ARHGEF1: variants seen among roughly 807,000 people sequenced by gnomAD.
The protein encoded by ARHGEF1 is 115 kDa guanine nucleotide exchange factor.
In ARHGEF1, 40 loss-of-function variants were observed where a neutral mutation model predicts 119.7. The observed-to-expected ratio is 0.33, with a 90% confidence interval of 0.26 to 0.44. The LOEUF (loss-of-function observed/expected upper bound fraction) is 0.44. Ranked by LOEUF, ARHGEF1 falls within the 20% of genes least tolerant of loss-of-function variation. The pLI, the probability that ARHGEF1 is intolerant of heterozygous loss-of-function variation, is 1.00. For missense variants in ARHGEF1, 976 were observed against 1,268.3 expected (o/e 0.77, Z 3.50); for synonymous variants, 494 against 521.0 (o/e 0.95, Z 0.71).
chr19:41,892,707 C>A lies in ARHGEF1; in HGVS notation c.472C>A (p.Arg158Ser). Residue 158 changes from arginine (R) to serine (S), a missense_variant, in exon 7 of 29, where the codon CGT becomes AGT. Arg to Ser is a moderately radical substitution (Grantham distance 110, BLOSUM62 -1). Transcript: ENST00000354532. This position sits in a 1 kb window ranked among gnomAD's most constrained non-coding sequence, Gnocchi z 6.3. ...CGTGGGCCGGCAGCTGGAGGACTTCCGTTCCAAGCGGCTCATGGGCATGAC... is the reference window on the plus strand; with the variant it reads ...CGTGGGCCGGCAGCTGGAGGACTTCAGTTCCAAGCGGCTCATGGGCATGAC... ...VAVGRQLEDF[R>S]SKRLMGMTPW... The A allele has an allele frequency of 6.2e-7, 1 of 1,613,458 alleles. No individual in the cohort carries two copies. Among genetic ancestry groups the A allele is most frequent in the Non-Finnish European group, 8.5e-7 (1 of 1,179,756 alleles).
downstream of ARHGEF1, chr19:41,909,360 TGCC>T (rs2074739871): frequency 3.2e-6 from 4 of 1,235,922 alleles, no homozygotes; most frequent in East Asian, 9.5e-5. This position sits in a 1 kb window ranked among gnomAD's most constrained non-coding sequence, Gnocchi z 5.2. Context: ...CAGTGGCAGC[TGCC>T]GCCATGTCCA....
chr19:41,894,745 G>C, intron 11 of ARHGEF1, 84 bp downstream of exon 11: 1 of 1,426,424 alleles, frequency 7.0e-7, no homozygotes, highest in Non-Finnish European at 9.0e-7. Flanking sequence ...TGAGGGAGGA[G>C]GGGCTGGGAC....
chr19:41,928,943 C>T (rs1157622524), exon 2 of ARHGEF1: 6 of 456,182 alleles, frequency 1.3e-5, no homozygotes, highest in African/African-American at 1.0e-4. Context: ...CGCACACACG[C>T]AGCCTGGATA....
chr19:41,909,450 A>T (rs1555851081), downstream of ARHGEF1: 5 of 1,239,142 alleles, frequency 4.0e-6, no homozygotes, highest in African/African-American at 6.2e-5. This position sits in a 1 kb window ranked among gnomAD's most constrained non-coding sequence, Gnocchi z 5.2. Flanking sequence ...TCTTGTGGAG[A>T]ATCCGCTTGT....
downstream of ARHGEF1, chr19:41,908,603 G>A: frequency 1.6e-6 from 2 of 1,231,824 alleles, no homozygotes; most frequent in Non-Finnish European, 2.0e-6. This position sits in a 1 kb window ranked among gnomAD's most constrained non-coding sequence, Gnocchi z 6.7. Flanking sequence ...ACGGGTTAAA[G>A]TTCCAGGGGT....
rs2074400936 is a variant in ARHGEF1 at position 41,892,927 on chromosome 19, C to T, written c.614+78C>T. On this transcript the variant is annotated intron_variant, in intron 7 of 28. Transcript: ENST00000354532. The surrounding 1 kb of genome is among the most constrained non-coding windows in gnomAD (Gnocchi z 6.3). ...CCGTGCTACCTCTGGCATGTTCCAT[C>T]CCGTTTGCAGGTTCCCTCTTCAGGG... The T allele has an allele frequency of 2.8e-6, 4 of 1,429,948 alleles. No homozygotes were observed. The highest frequency in any genetic ancestry group is 2.9e-5 in the African/African-American group (2 of 69,658). The allele number at this position is 1,429,948 out of a possible 1,614,324, so 88.6% of individuals were successfully genotyped here. A position where few individuals can be genotyped will look rare whatever the true frequency, so the allele number is the denominator to read the frequency against.
Position 41,888,033 on chromosome 19 carries a change from C to T in ARHGEF1, c.-19-31C>T. ...CCACCCTGGGCCGCCTCCTCCCACC[C>T]TCCTAACCACAGCCCCTCCTCTTCC... On this transcript the variant is annotated intron_variant, in intron 1 of 28. Coordinates refer to ENST00000354532, the MANE Select transcript of ARHGEF1 (RefSeq NM_004706.4). This position sits in a 1 kb window ranked among gnomAD's most constrained non-coding sequence, Gnocchi z 5.1. 1 of 1,608,628 alleles carries T rather than the reference C, an allele frequency of 6.2e-7. No homozygotes were observed.
upstream of ARHGEF1, chr19:41,923,057 C>T (rs961158912): frequency 2.3e-6 from 1 of 431,968 alleles, no homozygotes; most frequent in Non-Finnish European, 4.7e-6. Context: ...GGAAGTTCAG[C>T]GCCCCCTCTG....
rs555585297 is a variant in ARHGEF1 at position 41,884,481 on chromosome 19, C to G, written c.-20+1192C>G. The G allele has an allele frequency of 5.0e-6, 8 of 1,607,554 alleles. No individual in the cohort carries two copies. The highest frequency in any genetic ancestry group is 6.8e-6 in the Non-Finnish European group (8 of 1,179,892). On this transcript the variant is annotated intron_variant, in intron 1 of 28. Transcript: ENST00000354532. ...CCGGTGGCGGCGATGGCTTCTCTTT[C>G]CACCTGGAGCAGGTGAGGGACGCGG...
chr19:41,903,824 C>T lies in ARHGEF1; in HGVS notation c.1917+40C>T. On this transcript the variant is annotated intron_variant, in intron 20 of 28. Transcript: ENST00000354532. The surrounding 1 kb of genome is among the most constrained non-coding windows in gnomAD (Gnocchi z 4.2). ...TCCTGCCTCCCCCGCCCCCCTACTC[C>T]TTGGCCCAGGGGATTCTGTGATACA... 10 of 1,602,794 alleles carry T rather than the reference C, an allele frequency of 6.2e-6. No individual in the cohort carries two copies. Among genetic ancestry groups the T allele is most frequent in the Non-Finnish European group, 8.5e-6 (10 of 1,171,264 alleles).
chr19:41,919,980 C>T (rs1446567054), upstream of ARHGEF1, among the ~76,000 whole-genome samples: 1 of 132,432 alleles, frequency 7.6e-6, no homozygotes, highest in Non-Finnish European at 1.6e-5. Flanking sequence ...GACACGCCCA[C>T]AGACGTGACA....
intron 13 of ARHGEF1, 67 bp downstream of exon 13, chr19:41,896,549 C>A: frequency 8.0e-7 from 1 of 1,252,148 alleles, no homozygotes; most frequent in Non-Finnish European, 1.1e-6. Flanking sequence ...GGTGCAGGGT[C>A]ACCGCTGCCA....
intron 1 of ARHGEF1, among the ~76,000 whole-genome samples, chr19:41,886,933 CTAAT>C (rs1555845310): frequency 6.6e-6 from 1 of 152,094 alleles, no homozygotes; most frequent in African/African-American, 2.4e-5. Flanking sequence ...ATTAGTCAGA[CTAAT>C]TAAGGACACA....
chr19:41,884,103 G>A (rs2074257521), intron 1 of ARHGEF1, among the ~76,000 whole-genome samples: 1 of 152,214 alleles, frequency 6.6e-6, no homozygotes, highest in Non-Finnish European at 1.5e-5. Context: ...CGCCGTCCGA[G>A]TGCTCAGCGC....
chr19:41,907,130 G>A lies in ARHGEF1; in HGVS notation c.*43G>A, dbSNP rs1555850450. 1 of 1,530,430 alleles carries A rather than the reference G, an allele frequency of 6.5e-7. No homozygotes were observed. The highest frequency in any genetic ancestry group is 8.7e-7 in the Non-Finnish European group (1 of 1,144,480). 94.8% of individuals were successfully genotyped at this position (1,530,430 alleles called of 1,614,324 possible). A position where few individuals can be genotyped will look rare whatever the true frequency, so the allele number is the denominator to read the frequency against. Reference sequence around the variant, plus strand: ...GCCTTTTGCAAGAAGGAGAGGAATGGGGGAGAGGACGTGAGGGACCACCCC... The same window carrying A: ...GCCTTTTGCAAGAAGGAGAGGAATGAGGGAGAGGACGTGAGGGACCACCCC... On this transcript the variant is annotated 3_prime_UTR_variant, in exon 29 of 29. Coordinates refer to ENST00000354532, the MANE Select transcript of ARHGEF1 (RefSeq NM_004706.4).
intron 11 of ARHGEF1, among the ~76,000 whole-genome samples, chr19:41,894,891 T>TGG (rs1555847229): frequency 5.5e-5 from 3 of 54,352 alleles, no homozygotes; most frequent in Admixed American, 1.7e-4. Context: ...GAGGAGGGAC[T>TGG]GGGCCTGGAC....
At chr19:41,900,779 C>T (rs1336978186) in intron 14 of ARHGEF1, 1 of 149,138 alleles carries the variant, frequency 6.7e-6, no homozygotes, top group African/African-American at 2.5e-5. Flanking sequence ...TTGAGGAATC[C>T]TCACTGGTTT....
intron 9 of ARHGEF1, 47 bp downstream of exon 9, chr19:41,894,353 C>T: frequency 6.6e-7 from 1 of 1,515,534 alleles, no homozygotes; most frequent in Non-Finnish European, 8.9e-7. Flanking sequence ...TCCAGAGACG[C>T]CCTGGGAGCC....
rs374399568 is a variant in ARHGEF1 at position 41,896,241 on chromosome 19, G to A, written c.1016-136G>A. On this transcript the variant is annotated intron_variant, in intron 12 of 28. Coordinates refer to ENST00000354532, the MANE Select transcript of ARHGEF1 (RefSeq NM_004706.4). ...AGAGGTCTTAACATCTGTCCGTCCC[G>A]TGCTGAAGTACAGAGCAGCCATGTG... The A allele has an allele frequency of 8.7e-6, 4 of 457,422 alleles. No homozygotes were observed. The East Asian group carries it at 1.0e-4, about 12-fold the overall frequency. The allele number at this position is 457,422 out of a possible 1,614,324, so 28.3% of individuals were successfully genotyped here.
Sources: gnomAD v4.1 joint callset for allele counts (sites outside exome capture counted in the v4.1 genomes callset) on GRCh38, gnomAD v4.1.1 for gene constraint, Gnocchi (gnomAD v3.1) non-coding constraint, MANE v1.5 for transcripts, NCBI Gene and HGNC (gene_info 2026-07-23, HGNC 2026-07-21) for gene names.